Variants in BRME1 observed in about 807,000 individuals in gnomAD.
BRME1 encodes BRCA2 and MEILB2-associating protein 1.
A neutral mutation model predicts 52.6 loss-of-function variants in BRME1; 31 were observed. The ratio of observed to expected loss-of-function variants is 0.59; its 90% confidence interval spans 0.44 to 0.80. The LOEUF is 0.80. Ranked by LOEUF, BRME1 falls within the 30% of genes least tolerant of loss-of-function variation. The pLI is 0.00. For synonymous variants in BRME1, 359 were observed against 353.6 expected, an observed-to-expected ratio of 1.02 and a Z score of -0.17; for missense variants, 804 against 860.3, an observed-to-expected ratio of 0.93 and a Z score of 0.82.
Position 13,883,704 on chromosome 19 carries a change from C to A in BRME1, c.1764-304G>T. ...GGGGGCTGTGAACTTGGAAACCTAG[C>A]TCAGAGGCAAGCCCTCTCCTCCCGC... On this transcript the variant is annotated intron_variant, in intron 7 of 8. Transcript: ENST00000586783. This position sits in a 1 kb window ranked among gnomAD's most constrained non-coding sequence, Gnocchi z 4.2. 2.9e-6 allele frequency: 1 copy of A among 347,422 alleles called. No individual in the cohort carries two copies. The highest frequency in any genetic ancestry group is 5.4e-6 in the Non-Finnish European group (1 of 184,184). The allele number at this position is 347,422 out of a possible 1,614,324, so 21.5% of individuals were successfully genotyped here.
chr19:13,891,135 TTTATTATTATTATTA>T (rs148642817), intron 5 of BRME1, among the ~76,000 whole-genome samples: 9 of 146,634 alleles, frequency 6.1e-5, no homozygotes, highest in Admixed American at 2.7e-4. Context: ...CAATTTCCTG[TTTATTATTATTATTA>T]TTATTATTAT....
In BRME1 at chr19:13,888,484, G is replaced by A. The variant is rs989886366; in HGVS notation, c.1668+704C>T. 5.9e-5 allele frequency: 9 copies of A among 152,190 alleles called. No homozygotes were observed. Among genetic ancestry groups the A allele is most frequent in the East Asian group, 1.9e-4 (1 of 5,168 alleles). 9.4% of individuals were successfully genotyped at this position (152,190 alleles called of 1,614,324 possible). ...TCAGCCCAGGCTCAGGTGTGCCAAC[G>A]GCTAGGGAGGTCGCTCTTTCCCTGG... On this transcript the variant is annotated intron_variant, in intron 6 of 8. Transcript: ENST00000586783. This position sits in a 1 kb window ranked among gnomAD's most constrained non-coding sequence, Gnocchi z 4.1.
Position 13,890,428 on chromosome 19 carries a change from C to T in BRME1, c.428G>A (p.Gly143Glu). The T allele has an allele frequency of 6.6e-7, 1 of 1,514,448 alleles. No homozygotes were observed. Among genetic ancestry groups the T allele is most frequent in the Non-Finnish European group, 8.8e-7 (1 of 1,138,460 alleles). The allele number at this position is 1,514,448 out of a possible 1,614,324, so 93.8% of individuals were successfully genotyped here. A position where few individuals can be genotyped will look rare whatever the true frequency, so the allele number is the denominator to read the frequency against. The change falls in exon 6 of 9, where the codon GGA becomes GAA. Residue 143 changes from glycine (G) to glutamate (E), a missense_variant. Around this residue, in one of 3 missense-constraint regions of BRME1, gnomAD observed 234 missense variants for 258.1 expected, o/e 0.91. Coordinates refer to ENST00000586783, the MANE Select transcript of BRME1 (RefSeq NM_001345843.2). ...CAGGGTCTCCACTAGCAGCTGGCAT[C>T]CTGGACTCTGGGCGCTGGACTCTGC... is the stretch of plus-strand genomic sequence containing the variant. ...TIAESSAQSP[G>E]CQLLVETLGV...
chr19:13,904,972 G>A lies in BRME1; in HGVS notation c.-21-59C>T, dbSNP rs1599365680. 5 of 1,448,592 alleles carry A rather than the reference G, an allele frequency of 3.5e-6. No homozygotes were observed. The East Asian group carries it at 1.1e-4, about 33-fold the overall frequency. The allele number at this position is 1,448,592 out of a possible 1,614,324, so 89.7% of individuals were successfully genotyped here. On this transcript the variant is annotated intron_variant, in intron 1 of 8. Transcript: ENST00000586783. ...CAGTCTCTGTCTCTGTTTATATCCA[G>A]TGGCTTTGGCTGAGAGCAGAGGTTA...
intron 5 of BRME1, among the ~76,000 whole-genome samples, 177 bp from the exon 6 acceptor site, chr19:13,890,639 C>T (rs111233692): frequency 0.014 from 2,106 of 152,094 alleles, 49 homozygotes; most frequent in African/African-American, 0.048. Context: ...CCGAGGTGGG[C>T]GGATCACTTG....
intron 4 of BRME1, 61 bp from the exon 5 acceptor site, chr19:13,892,951 A>G (rs1969618226): frequency 1.3e-6 from 2 of 1,525,454 alleles, no homozygotes; most frequent in Non-Finnish European, 1.8e-6. Context: ...AGGTCTTAGG[A>G]AAAAAGCAAC....
chr19:13,884,721 C>G (rs1164339240), intron 7 of BRME1, among the ~76,000 whole-genome samples: 3 of 152,168 alleles, frequency 2.0e-5, no homozygotes, highest in African/African-American at 4.8e-5. Context: ...ACAGGCAGTA[C>G]AGGTGGCCAG....
Position 13,904,926 on chromosome 19 carries a change from A to T in BRME1, c.-21-13T>A, listed in dbSNP as rs1268842365. 3 of 1,599,702 alleles carry T rather than the reference A, an allele frequency of 1.9e-6. No individual in the cohort carries two copies. The highest frequency in any genetic ancestry group is 2.6e-6 in the Non-Finnish European group (3 of 1,167,384). On this transcript the variant is annotated splice_polypyrimidine_tract_variant and intron_variant, in intron 1 of 8. Coordinates refer to ENST00000586783, the MANE Select transcript of BRME1 (RefSeq NM_001345843.2). ...CCCCTTGAGAAATCTGAAAACAAGC[A>T]AAATCTCTCATCATTATAAGCAGTC...
At chr19:13,886,454 C>A (rs1415921686) in intron 6 of BRME1, among the ~76,000 whole-genome samples, 1 of 152,206 alleles carries the variant, frequency 6.6e-6, no homozygotes, top group Non-Finnish European at 1.5e-5. Context: ...GCGGGGGCAA[C>A]TGCGGTGAAG....
intron 5 of BRME1, 88 bp from the exon 6 acceptor site, chr19:13,890,550 C>A: frequency 7.9e-7 from 1 of 1,272,990 alleles, no homozygotes; most frequent in Middle Eastern, 2.0e-4. Flanking sequence ...AAAGTAATTG[C>A]GGGTTTTGTC....
chr19:13,892,560 C>G (rs984292527), intron 5 of BRME1, among the ~76,000 whole-genome samples: 1 of 151,998 alleles, frequency 6.6e-6, no homozygotes, highest in Non-Finnish European at 1.5e-5. Context: ...CGCACTCCAG[C>G]CTGGGTGACA....
intron 2 of BRME1, among the ~76,000 whole-genome samples, chr19:13,902,137 A>C (rs1005017861): frequency 4.6e-5 from 7 of 151,852 alleles, no homozygotes; most frequent in African/African-American, 1.5e-4. Context: ...CCAGGAGTTC[A>C]AGATCAGCCT....
intron 5 of BRME1, among the ~76,000 whole-genome samples, chr19:13,892,492 C>T (rs985579761): frequency 7.9e-5 from 12 of 151,980 alleles, no homozygotes; most frequent in South Asian, 2.1e-4. Flanking sequence ...GAGGCTGAGG[C>T]GGGAGAATTG....
Position 13,886,017 on chromosome 19 carries a change from C to G in BRME1, c.1707G>C (p.Pro569=). Reference sequence around the variant, plus strand: ...CTCCATTGGCATGTGAGCTGGGGCCCGGCCAGCAAGGGCCCGGCTTGTTCC... The same window carrying G: ...CTCCATTGGCATGTGAGCTGGGGCCGGGCCAGCAAGGGCCCGGCTTGTTCC... The part of the protein sequence containing the change: ...PSGNKPGPCW[P]GPSSHANGDP... The change falls in exon 7 of 9, where the codon CCG becomes CCC. Residue 569 remains proline (P), a synonymous_variant. Transcript: ENST00000586783. The G allele has an allele frequency of 1.9e-6, 3 of 1,614,026 alleles. No individual in the cohort carries two copies. The highest frequency in any genetic ancestry group is 2.5e-6 in the Non-Finnish European group (3 of 1,180,016).
chr19:13,890,514 G>A (rs567634280), intron 5 of BRME1, 52 bp from the exon 6 acceptor site: 9 of 1,426,760 alleles, frequency 6.3e-6, no homozygotes, highest in Middle Eastern at 1.8e-4. Context: ...CAAGTTCTCC[G>A]AAGAGTTTTC....
At chr19:13,902,585 G>A (rs934524180) in intron 2 of BRME1, among the ~76,000 whole-genome samples, 8 of 150,758 alleles carry the variant, frequency 5.3e-5, no homozygotes, top group African/African-American at 1.2e-4. Flanking sequence ...GCGGTGAGCC[G>A]AGATCGCGCC....
At chr19:13,899,014 G>A (rs1364666449) in intron 2 of BRME1, among the ~76,000 whole-genome samples, 1 of 150,940 alleles carries the variant, frequency 6.6e-6, no homozygotes, top group South Asian at 2.1e-4. Flanking sequence ...CTTACACATC[G>A]TGAAGTAAAC....
chr19:13,890,457 T>A lies in BRME1; in HGVS notation c.399A>T (p.Thr133=). 6.7e-7 allele frequency: 1 copy of A among 1,493,716 alleles called. No homozygotes were observed. The highest frequency in any genetic ancestry group is 8.9e-7 in the Non-Finnish European group (1 of 1,127,568). 92.5% of individuals were successfully genotyped at this position (1,493,716 alleles called of 1,614,324 possible). A position where few individuals can be genotyped will look rare whatever the true frequency, so the allele number is the denominator to read the frequency against. ...GACTCTGGGCGCTGGACTCTGCGAT[T>A]GTTTCCTGTGGACAGAAAAAGACTC... ...DRGSGAFSLE[T]IAESSAQSPG... is the part of the protein sequence containing the mutation. Residue 133 remains threonine (T), a synonymous_variant, in exon 6 of 9, where the codon ACA becomes ACT. Coordinates refer to ENST00000586783, the MANE Select transcript of BRME1 (RefSeq NM_001345843.2).
chr19:13,895,595 C>T, intron 2 of BRME1, 49 bp from the exon 3 acceptor site: 2 of 1,521,014 alleles, frequency 1.3e-6, no homozygotes, highest in East Asian at 4.5e-5. Flanking sequence ...ACAGCCACTG[C>T]TCATGGCTGA....
Sources: gnomAD v4.1 joint callset for allele counts (sites outside exome capture counted in the v4.1 genomes callset) on GRCh38, gnomAD v4.1.1 for gene constraint, gnomAD v4.1.1 regional missense constraint, Gnocchi (gnomAD v3.1) non-coding constraint, MANE v1.5 for transcripts, NCBI Gene and HGNC (gene_info 2026-07-23, HGNC 2026-07-21) for gene names.